PPM1L: variants seen among roughly 807,000 people sequenced by gnomAD.
The protein encoded by PPM1L is protein phosphatase 1L.
Under a neutral mutation model 31.4 loss-of-function variants are expected in PPM1L, and 13 were observed. The ratio of observed to expected loss-of-function variants is 0.41; its 90% confidence interval spans 0.27 to 0.66. The LOEUF (loss-of-function observed/expected upper bound fraction) is 0.66, where lower values mean the gene tolerates loss of function less well. Among genes scored for constraint, PPM1L ranks in the 30% least tolerant of loss-of-function variants. The pLI is 0.29. For synonymous variants in PPM1L, 184 were observed against 175.4 expected, an observed-to-expected ratio of 1.05 and a Z score of -0.39; for missense variants, 326 against 453.7, an observed-to-expected ratio of 0.72 and a Z score of 2.56.
At chr3:160,840,662 G>A (rs1713844105) in intron 1 of PPM1L, among the ~76,000 whole-genome samples, 1 of 151,580 alleles carries the variant, frequency 6.6e-6, no homozygotes, top group African/African-American at 2.4e-5. Context: ...TCCAAAGGCT[G>A]GAGAACCTGG....
intron 1 of PPM1L, among the ~76,000 whole-genome samples, chr3:160,938,078 C>T (rs1223768281): frequency 1.3e-5 from 2 of 152,166 alleles, no homozygotes; most frequent in African/African-American, 4.8e-5. Flanking sequence ...TTCTTATTAT[C>T]ACCACACTCT....
intron 1 of PPM1L, among the ~76,000 whole-genome samples, chr3:160,814,518 TACAC>T (rs1330029237): frequency 5.1e-5 from 4 of 78,562 alleles, no homozygotes; most frequent in African/African-American, 1.2e-4. Flanking sequence ...TGTATATATA[TACAC>T]ACACATATGT....
At position 160,781,418 on chromosome 3, in the gene PPM1L, G is replaced by C. The variant is rs1234950645; in HGVS notation, c.399+24711G>C. ...AGATCTTCCTCGCCAAATAGGTGAGGTGTTCTTTGCTTTTATTTGTATATA... is the reference window on the plus strand; with the variant it reads ...AGATCTTCCTCGCCAAATAGGTGAGCTGTTCTTTGCTTTTATTTGTATATA... On this transcript the variant is annotated intron_variant, in intron 1 of 3. Coordinates refer to ENST00000498165, the MANE Select transcript of PPM1L (RefSeq NM_139245.4). 2.6e-5 allele frequency among the ~76,000 whole-genome samples: 4 copies of C among 152,222 alleles called. 1 individual carries two copies. The highest frequency in any genetic ancestry group is 2.6e-4 in the Admixed American group (4 of 15,288).
chr3:160,872,788 G>T (rs539949673), intron 1 of PPM1L, among the ~76,000 whole-genome samples: 1 of 152,142 alleles, frequency 6.6e-6, no homozygotes. Flanking sequence ...TTAGCTGGGC[G>T]TGGTGGCAGG....
chr3:160,885,203 C>G lies in PPM1L; in HGVS notation c.400-76533C>G, dbSNP rs151001307. ...GTCAATCACATGAACAATTAAGGCC[C>G]ACTCTCTAAATCCCTAATTGCTTAC... On this transcript the variant is annotated intron_variant, in intron 1 of 3. Transcript: ENST00000498165. Among the ~76,000 whole-genome samples the G allele has an allele frequency of 2.6e-4, 39 of 152,246 alleles. 2 individuals are homozygous for G. In the East Asian group the frequency reaches 3.1e-3, roughly 12 times the overall value.
intron 1 of PPM1L, among the ~76,000 whole-genome samples, chr3:160,930,005 G>A (rs1714730824): frequency 6.6e-6 from 1 of 152,100 alleles, no homozygotes; most frequent in Admixed American, 6.5e-5. Flanking sequence ...ACTTGCCCAC[G>A]TCACCATCAC....
In PPM1L at chr3:160,774,637, A is replaced by G. The variant is rs189586321; in HGVS notation, c.399+17930A>G. ...ATGCAAAAGTCCGCACTACAGCAAA[A>G]ATAGTCTCTACTGTTCACTGAATAC... On this transcript the variant is annotated intron_variant, in intron 1 of 3. Coordinates refer to ENST00000498165, the MANE Select transcript of PPM1L (RefSeq NM_139245.4). 3.2e-3 allele frequency among the ~76,000 whole-genome samples: 493 copies of G among 152,258 alleles called. 3 individuals carry two copies. Among genetic ancestry groups the G allele is most frequent in the Non-Finnish European group, 5.3e-3 (361 of 68,018 alleles).
chr3:160,895,833 A>C (rs1197266258), intron 1 of PPM1L, among the ~76,000 whole-genome samples: 2 of 152,204 alleles, frequency 1.3e-5, no homozygotes, highest in African/African-American at 2.4e-5. Context: ...GTAATCCCCA[A>C]AAGTTTTTAA....
chr3:161,047,044 C>CTCTG (rs1171225851), intron 2 of PPM1L, among the ~76,000 whole-genome samples: 1 of 152,174 alleles, frequency 6.6e-6, no homozygotes, highest in African/African-American at 2.4e-5. Context: ...CAGGGACACC[C>CTCTG]TCTGTCACCA....
At chr3:160,805,751 A>G (rs1712580326) in intron 1 of PPM1L, among the ~76,000 whole-genome samples, 1 of 152,072 alleles carries the variant, frequency 6.6e-6, no homozygotes, top group South Asian at 2.1e-4. Flanking sequence ...AATGAACTTG[A>G]ATCTAAATTG....
chr3:160,878,738 T>A (rs1190222323), intron 1 of PPM1L, among the ~76,000 whole-genome samples: 2 of 152,182 alleles, frequency 1.3e-5, no homozygotes. Flanking sequence ...GAGAAGCAGG[T>A]ACTGTTAAAT....
chr3:160,787,250 A>C (rs1711961642), intron 1 of PPM1L, among the ~76,000 whole-genome samples: 1 of 152,204 alleles, frequency 6.6e-6, no homozygotes, highest in Non-Finnish European at 1.5e-5. Flanking sequence ...TTTTCTTCAC[A>C]ACCTCACCAG....
At chr3:161,020,213 A>C (rs1329436677) in intron 2 of PPM1L, among the ~76,000 whole-genome samples, 1 of 152,160 alleles carries the variant, frequency 6.6e-6, no homozygotes, top group Non-Finnish European at 1.5e-5. Context: ...CTGGCATTTC[A>C]AAATATTTGA....
chr3:161,054,769 T>C (rs1719367291), intron 2 of PPM1L, among the ~76,000 whole-genome samples: 1 of 152,146 alleles, frequency 6.6e-6, no homozygotes, highest in South Asian at 2.1e-4. Flanking sequence ...AGAAATTATG[T>C]ATGCCAAGGA....
chr3:160,950,602 A>C, intron 1 of PPM1L, among the ~76,000 whole-genome samples: 1 of 152,088 alleles, frequency 6.6e-6, no homozygotes, highest in African/African-American at 2.4e-5. Flanking sequence ...CTGGAGGTCC[A>C]CTCTAAAGAG....
chr3:160,901,115 G>A (rs1713526863), intron 1 of PPM1L, among the ~76,000 whole-genome samples: 1 of 151,972 alleles, frequency 6.6e-6, no homozygotes, highest in Non-Finnish European at 1.5e-5. Context: ...GTGTTCTCTA[G>A]GTGATTCCAT....
chr3:161,038,193 C>T (rs1415591991), intron 2 of PPM1L, among the ~76,000 whole-genome samples: 3 of 137,084 alleles, frequency 2.2e-5, no homozygotes, highest in Non-Finnish European at 4.5e-5. Context: ...GAGATCCCGC[C>T]GCTGCACTCC....
At chr3:160,954,920 C>CTTTCCTTCT (rs1559901880) in intron 1 of PPM1L, among the ~76,000 whole-genome samples, 4 of 111,164 alleles carry the variant, frequency 3.6e-5, no homozygotes, top group African/African-American at 1.4e-4. Context: ...TCCTTCCTTC[C>CTTTCCTTCT]TTCTTTCCTT....
intron 1 of PPM1L, among the ~76,000 whole-genome samples, chr3:160,918,130 C>A (rs999596069): frequency 2.0e-5 from 3 of 152,114 alleles, no homozygotes; most frequent in Non-Finnish European, 4.4e-5. Context: ...CTTTGAGCTC[C>A]CTTTGCTTAT....
Sources: allele counts gnomAD v4.1 joint callset (sites outside exome capture counted in the v4.1 genomes callset), GRCh38; gene constraint gnomAD v4.1.1; transcripts MANE v1.5; gene names NCBI Gene and HGNC (gene_info 2026-07-23, HGNC 2026-07-21).